LRRC4C: variants seen among roughly 807,000 people sequenced by gnomAD.
The protein encoded by LRRC4C is leucine-rich repeat-containing protein 4C.
In LRRC4C, 5 loss-of-function variants were observed where a neutral mutation model predicts 33.6. That is an observed-to-expected ratio of 0.15 (90% confidence interval 0.08 to 0.31). The LOEUF (loss-of-function observed/expected upper bound fraction) is 0.31, where lower values mean the gene tolerates loss of function less well. Ranked by LOEUF, LRRC4C falls within the 10% of genes least tolerant of loss-of-function variation. The pLI, the probability that LRRC4C is intolerant of heterozygous loss-of-function variation, is 1.00. For synonymous variants in LRRC4C, 329 were observed against 302.0 expected, an observed-to-expected ratio of 1.09 and a Z score of -0.93; for missense variants, 560 against 796.7, an observed-to-expected ratio of 0.70 and a Z score of 3.58.
chr11:40,572,943 T>C (rs924435473), intron 3 of LRRC4C, among the ~76,000 whole-genome samples: 3 of 152,224 alleles, frequency 2.0e-5, no homozygotes, highest in Non-Finnish European at 4.4e-5. Context: ...GTTCTCTTTG[T>C]AGTCTACCCA....
At chr11:41,198,945 A>G (rs370759676) in intron 1 of LRRC4C, among the ~76,000 whole-genome samples, 21 of 152,246 alleles carry the variant, frequency 1.4e-4, no homozygotes, top group African/African-American at 5.1e-4. Flanking sequence ...TCCACATAAG[A>G]AAATCTGTTC....
At chr11:40,174,350 T>C (rs374344603) in intron 5 of LRRC4C, among the ~76,000 whole-genome samples, 159 of 152,262 alleles carry the variant, frequency 1.0e-3, no homozygotes, top group African/African-American at 3.6e-3. Flanking sequence ...TTAAATTAAA[T>C]TGAAGATCAG....
At chr11:40,206,421 T>C (rs1023899823) in intron 5 of LRRC4C, among the ~76,000 whole-genome samples, 5 of 147,168 alleles carry the variant, frequency 3.4e-5, no homozygotes, top group African/African-American at 1.3e-4. Flanking sequence ...TTTTTTTTTT[T>C]AGTAGAGACA....
intron 1 of LRRC4C, among the ~76,000 whole-genome samples, chr11:41,299,696 T>C (rs1307822829): frequency 1.3e-5 from 2 of 152,148 alleles, no homozygotes; most frequent in Non-Finnish European, 2.9e-5. Flanking sequence ...AAGTACATCT[T>C]TATTTCAAAC....
At chr11:40,987,422 G>T (rs764020843) in intron 1 of LRRC4C, among the ~76,000 whole-genome samples, 2 of 151,838 alleles carry the variant, frequency 1.3e-5, no homozygotes, top group Admixed American at 6.6e-5. Context: ...TTAACCGTCT[G>T]GTTCAAAAGC....
chr11:41,052,190 A>G (rs1361327463), intron 1 of LRRC4C, among the ~76,000 whole-genome samples: 1 of 152,164 alleles, frequency 6.6e-6, no homozygotes, highest in Non-Finnish European at 1.5e-5. Context: ...GAAGAGTATG[A>G]AGAAGGATAG....
At chr11:40,490,058 T>G (rs899803900) in intron 3 of LRRC4C, among the ~76,000 whole-genome samples, 1 of 152,128 alleles carries the variant, frequency 6.6e-6, no homozygotes, top group African/African-American at 2.4e-5. Flanking sequence ...TCATGATCAG[T>G]GCCTGCCATC....
rs1164951942 is a variant in LRRC4C at position 40,207,030 on chromosome 11, T to A, written c.-96+34489A>T. On this transcript the variant is annotated intron_variant, in intron 5 of 6. Coordinates refer to ENST00000528697, the MANE Select transcript of LRRC4C (RefSeq NM_001258419.2). ...TTGTAAGAAACAGTGATGGCAGCCC[T>A]CCATACATCAAACAATTCAATCTCT... 2.0e-5 allele frequency among the ~76,000 whole-genome samples: 3 copies of A among 152,254 alleles called. No individual in the cohort carries two copies. In the East Asian group the frequency reaches 5.8e-4, roughly 29 times the overall value.
Position 40,149,713 on chromosome 11 carries a change from TAAGA to T in LRRC4C, c.-95-8864_-95-8861del, listed in dbSNP as rs2135093224. 1.3e-5 allele frequency among the ~76,000 whole-genome samples: 2 copies of T among 152,242 alleles called. 1 individual carries two copies. Among genetic ancestry groups the T allele is most frequent in the South Asian group, 4.1e-4 (2 of 4,828 alleles). ...AAGAGATGTGTAAATTCAAGAATGA[TAAGA>T]AAGAACTTAGATATAAAAACATCTG... On this transcript the variant is annotated intron_variant, in intron 5 of 6. Coordinates refer to ENST00000528697, the MANE Select transcript of LRRC4C (RefSeq NM_001258419.2).
intron 5 of LRRC4C, among the ~76,000 whole-genome samples, chr11:40,163,412 T>C (rs1050644968): frequency 6.6e-6 from 1 of 152,128 alleles, no homozygotes; most frequent in African/African-American, 2.4e-5. Flanking sequence ...AACTCTCCCT[T>C]ACAGGAATCA....
At chr11:40,436,993 C>T (rs981705098) in intron 3 of LRRC4C, among the ~76,000 whole-genome samples, 2 of 152,162 alleles carry the variant, frequency 1.3e-5, no homozygotes, top group African/African-American at 2.4e-5. Context: ...GGTCCACTTT[C>T]GCTCTGGAGC....
At chr11:41,221,163 C>T (rs1005951227) in intron 1 of LRRC4C, among the ~76,000 whole-genome samples, 4 of 151,962 alleles carry the variant, frequency 2.6e-5, no homozygotes, top group Non-Finnish European at 4.4e-5. Flanking sequence ...CCGAAAGGAC[C>T]CAGTGTGTGT....
chr11:41,111,056 A>G (rs1941801722), intron 1 of LRRC4C, among the ~76,000 whole-genome samples: 1 of 152,066 alleles, frequency 6.6e-6, no homozygotes, highest in South Asian at 2.1e-4. Context: ...TGTGCTGGGC[A>G]TTATACTCAT....
At chr11:40,487,130 G>C (rs1203144239) in intron 3 of LRRC4C, among the ~76,000 whole-genome samples, 1 of 152,032 alleles carries the variant, frequency 6.6e-6, no homozygotes, top group African/African-American at 2.4e-5. Flanking sequence ...GCTACTATCC[G>C]TGAACTGACA....
chr11:40,882,979 T>G (rs557434493), intron 2 of LRRC4C, among the ~76,000 whole-genome samples: 18 of 152,082 alleles, frequency 1.2e-4, no homozygotes, highest in Non-Finnish European at 2.6e-4. Flanking sequence ...AGAGGTATTT[T>G]CTTATTTGTG....
At chr11:40,657,478 C>T (rs933233935) in intron 2 of LRRC4C, among the ~76,000 whole-genome samples, 1 of 148,540 alleles carries the variant, frequency 6.7e-6, no homozygotes, top group African/African-American at 2.4e-5. Flanking sequence ...TAGGGCAAAC[C>T]TGTCTCCCAT....
intron 1 of LRRC4C, among the ~76,000 whole-genome samples, chr11:41,170,571 G>T (rs1237054575): frequency 6.6e-6 from 1 of 152,130 alleles, no homozygotes; most frequent in Non-Finnish European, 1.5e-5. Flanking sequence ...GCTGAAACTG[G>T]ATCCCTTCCT....
chr11:41,267,924 C>T (rs1949203202), intron 1 of LRRC4C, among the ~76,000 whole-genome samples: 1 of 151,996 alleles, frequency 6.6e-6, no homozygotes, highest in African/African-American at 2.4e-5. Flanking sequence ...CAAATATTTC[C>T]TGCCACAGGT....
intron 2 of LRRC4C, among the ~76,000 whole-genome samples, chr11:40,768,979 G>A (rs1431235389): frequency 6.6e-6 from 1 of 152,004 alleles, no homozygotes; most frequent in Non-Finnish European, 1.5e-5. Context: ...ATTAGTCCCA[G>A]CTAGTGTTAT....
Sources: gnomAD v4.1 joint callset for allele counts (sites outside exome capture counted in the v4.1 genomes callset) on GRCh38, gnomAD v4.1.1 for gene constraint, MANE v1.5 for transcripts, NCBI Gene and HGNC (gene_info 2026-07-23, HGNC 2026-07-21) for gene names.